SLC25A48: variants seen among roughly 807,000 people sequenced by gnomAD.
SLC25A48 encodes CTC-321K16.1.
SLC25A48 carries 29 observed loss-of-function variants against 32.2 expected under a neutral mutation model. The observed-to-expected ratio is 0.90, with a 90% CI of 0.67 to 1.23. SLC25A48 has a LOEUF of 1.23. Ranked by LOEUF, SLC25A48 falls within the 50% of genes most tolerant of loss-of-function variation. The pLI, the probability that SLC25A48 is intolerant of heterozygous loss-of-function variation, is 0.00. For synonymous variants in SLC25A48, 164 were observed against 172.3 expected, an observed-to-expected ratio of 0.95 and a Z score of 0.38; for missense variants, 399 against 422.7, an observed-to-expected ratio of 0.94 and a Z score of 0.49.
At chr5:135,842,553 G>A in intron 2 of SLC25A48, 94 bp downstream of exon 2, 2 of 1,316,198 alleles carry the variant, frequency 1.5e-6, no homozygotes, top group Non-Finnish European at 2.2e-6. Context: ...CTCTCAGAGA[G>A]TCTTCTGCCC....
At position 135,880,048 on chromosome 5, in the gene SLC25A48, G is replaced by T; in HGVS notation, c.894G>T (p.Ser298=). 5 of 1,536,200 alleles carry T rather than the reference G, an allele frequency of 3.3e-6. No homozygotes were observed. Among genetic ancestry groups the T allele is most frequent in the Non-Finnish European group, 4.4e-6 (5 of 1,146,914 alleles). The change falls in exon 7 of 8, where the codon TCG becomes TCT. Residue 298 remains serine (S), a synonymous_variant. Transcript: ENST00000681962. ...SAAMFLGYEL[S]LQAIRGDHAV... ...CCATGTTCCTTGGGTACGAGCTGTC[G>T]CTGCAGGCTATCCGCGGGGACCACG... is the stretch of plus-strand genomic sequence containing the variant.
intron 1 of SLC25A48, among the ~76,000 whole-genome samples, chr5:135,839,437 G>A (rs1049023580): frequency 6.6e-6 from 1 of 152,162 alleles, no homozygotes; most frequent in Non-Finnish European, 1.5e-5. Flanking sequence ...TTTGGAACAG[G>A]TGTATTTACC....
At chr5:135,655,617 G>A (rs577766335) in intron 3 of SLC25A48, among the ~76,000 whole-genome samples, 4 of 152,312 alleles carry the variant, frequency 2.6e-5, no homozygotes, top group African/African-American at 9.6e-5. Flanking sequence ...TCAGTGTGGG[G>A]ACAGATTTCT....
At chr5:135,808,092 T>C (rs1757505264) in intron 3 of SLC25A48, among the ~76,000 whole-genome samples, 1 of 151,128 alleles carries the variant, frequency 6.6e-6, no homozygotes, top group Non-Finnish European at 1.5e-5. Flanking sequence ...ATTATAAATA[T>C]CATAGATATT....
At chr5:135,809,034 G>A (rs377602590) in intron 3 of SLC25A48, among the ~76,000 whole-genome samples, 1 of 152,204 alleles carries the variant, frequency 6.6e-6, no homozygotes, top group African/African-American at 2.4e-5. Flanking sequence ...GGTCGGGGGG[G>A]CTCATGCCTG....
At chr5:135,579,947 C>T (rs1324612777) in intron 1 of SLC25A48, among the ~76,000 whole-genome samples, 3 of 152,236 alleles carry the variant, frequency 2.0e-5, no homozygotes, top group Non-Finnish European at 2.9e-5. Context: ...GTTTCATCAT[C>T]TGTAAAGTGC....
At chr5:135,791,952 A>G (rs1757041148) in intron 3 of SLC25A48, among the ~76,000 whole-genome samples, 1 of 151,790 alleles carries the variant, frequency 6.6e-6, no homozygotes, top group Admixed American at 6.6e-5. Flanking sequence ...ATCACAGTGC[A>G]TGTACACACA....
chr5:135,805,208 T>C (rs992811957), intron 3 of SLC25A48, among the ~76,000 whole-genome samples: 1 of 150,900 alleles, frequency 6.6e-6, no homozygotes, highest in Non-Finnish European at 1.5e-5. Flanking sequence ...AATCCTAACA[T>C]CACAGTCAGT....
intron 3 of SLC25A48, among the ~76,000 whole-genome samples, chr5:135,775,020 A>G (rs10463932): frequency 0.3 from 45,887 of 151,504 alleles, 7,099 homozygotes; most frequent in East Asian, 0.46. Flanking sequence ...CAATGATATT[A>G]CTGTCTGTAT....
At chr5:135,795,541 A>G (rs1757147183) in intron 3 of SLC25A48, among the ~76,000 whole-genome samples, 1 of 151,770 alleles carries the variant, frequency 6.6e-6, no homozygotes, top group Admixed American at 6.6e-5. Flanking sequence ...ATTACGCTCA[A>G]TATTGCCATG....
chr5:135,675,762 A>C (rs1753754691), intron 3 of SLC25A48, among the ~76,000 whole-genome samples: 1 of 152,006 alleles, frequency 6.6e-6, no homozygotes, highest in African/African-American at 2.4e-5. Flanking sequence ...TTTGATAGGG[A>C]TTGCATTAAA....
chr5:135,768,567 A>AT (rs1756310409), intron 3 of SLC25A48, among the ~76,000 whole-genome samples: 1 of 151,596 alleles, frequency 6.6e-6, no homozygotes, highest in Non-Finnish European at 1.5e-5. Flanking sequence ...CCTCTGTGAC[A>AT]TAGTTCATAA....
chr5:135,668,111 T>G (rs973591037), intron 3 of SLC25A48, among the ~76,000 whole-genome samples: 2 of 152,190 alleles, frequency 1.3e-5, no homozygotes, highest in African/African-American at 4.8e-5. Flanking sequence ...CTCTAAGATG[T>G]CATAATACCT....
chr5:135,613,122 G>T (rs1330895806), intron 1 of SLC25A48, among the ~76,000 whole-genome samples: 1 of 152,092 alleles, frequency 6.6e-6, no homozygotes, highest in Non-Finnish European at 1.5e-5. Flanking sequence ...CATTCTAACT[G>T]GTCTAAGATC....
chr5:135,872,021 G>T, intron 5 of SLC25A48: 1 of 1,286,612 alleles, frequency 7.8e-7, no homozygotes, highest in Non-Finnish European at 9.9e-7. Flanking sequence ...TCATGGTTCA[G>T]TTTATTAAAT....
chr5:135,816,122 T>G (rs1757713034), intron 4 of SLC25A48, among the ~76,000 whole-genome samples: 1 of 152,014 alleles, frequency 6.6e-6, no homozygotes, highest in Non-Finnish European at 1.5e-5. Flanking sequence ...TTTAAAACCA[T>G]CAGATCTCGT....
chr5:135,671,382 C>A (rs1452748469), intron 3 of SLC25A48, among the ~76,000 whole-genome samples: 1 of 152,216 alleles, frequency 6.6e-6, no homozygotes, highest in Non-Finnish European at 1.5e-5. Flanking sequence ...CTGGTGTTAG[C>A]CTCTAGGTTT....
chr5:135,789,125 T>A (rs1451121877), intron 3 of SLC25A48, among the ~76,000 whole-genome samples: 3 of 49,432 alleles, frequency 6.1e-5, no homozygotes, highest in Non-Finnish European at 2.1e-4. Context: ...GGTGTACACA[T>A]CCCTGTGATA....
chr5:135,818,063 CTCTCTCTCTCTCTCT>C, intron 4 of SLC25A48, among the ~76,000 whole-genome samples: 1 of 12,916 alleles, frequency 7.7e-5, no homozygotes, highest in South Asian at 3.6e-3. Context: ...TCCTCTCTCT[CTCTCTCTCTCTCTCT>C]CTCTCTCTCT....
Sources: allele counts gnomAD v4.1 joint callset (sites outside exome capture counted in the v4.1 genomes callset), GRCh38; gene constraint gnomAD v4.1.1; transcripts MANE v1.5; gene names NCBI Gene and HGNC (gene_info 2026-07-23, HGNC 2026-07-21).